The following USP9X variants were observed in gnomAD, a reference collection of about 807,000 sequenced individuals.
USP9X encodes the protein ubiquitin specific peptidase 9 X-linked.
USP9X carries 7 observed loss-of-function variants against 190.3 expected under a neutral mutation model. The ratio of observed to expected loss-of-function variants is 0.04; its 90% CI spans 0.02 to 0.07. The LOEUF (loss-of-function observed/expected upper bound fraction) is 0.07. Among genes scored for constraint, USP9X ranks in the 10% least tolerant of loss-of-function variants. The pLI, the probability that USP9X is intolerant of heterozygous loss-of-function variation, is 1.00. For synonymous variants in USP9X, 645 were observed against 659.5 expected (o/e 0.98, Z 0.34); for missense variants, 1,010 against 1,916.9 (o/e 0.53, Z 8.83).
intron 1 of USP9X, among the ~76,000 whole-genome samples, chrX:41,094,232 A>G (rs1423437178): frequency 9.4e-6 from 1 of 106,581 alleles, no homozygotes; most frequent in Non-Finnish European, 1.9e-5. Context: ...GCTACAGTAC[A>G]ATGGCGTGAT....
intron 12 of USP9X, among the ~76,000 whole-genome samples, chrX:41,149,953 G>T (rs894733122): frequency 2.7e-5 from 3 of 110,825 alleles, no homozygotes; most frequent in Non-Finnish European, 5.7e-5. Flanking sequence ...TGATCCACCC[G>T]CCTCGGCCTC....
Position 41,125,718 on chromosome X carries a change from T to TCG in USP9X, c.96+1998_96+1999dup, listed in dbSNP as rs1555918349. ...CTCTCTCTCTCTCTCTCTCTCTCTC[T>TCG]CGCGCACGCGCGCGCGCTCTCTCTC... On this transcript the variant is annotated intron_variant, in intron 2 of 44. Transcript: ENST00000378308. 2.8e-4 allele frequency among the ~76,000 whole-genome samples: 28 copies of TCG among 99,221 alleles called. 1 individual carries two copies. Among genetic ancestry groups the TCG allele is most frequent in the African/African-American group, 1.1e-3 (27 of 24,559 alleles). 86.2% of individuals were successfully genotyped at this position (99,221 alleles called of 115,157 possible).
At chrX:41,170,344 T>TA (rs2062714812) in intron 19 of USP9X, 109 bp downstream of exon 19, 20 of 1,066,928 alleles carry the variant, frequency 1.9e-5, no homozygotes, top group Middle Eastern at 5.4e-4. Context: ...TGTTAGGTGT[T>TA]AGAGTTATAG....
intron 1 of USP9X, among the ~76,000 whole-genome samples, chrX:41,089,691 C>T (rs6610510): frequency 9.0e-6 from 1 of 111,071 alleles, no homozygotes; most frequent in East Asian, 2.8e-4. Flanking sequence ...TTTTATTTGT[C>T]TTAGTCAAAA....
chrX:41,140,301 T>A (rs2062410980), intron 6 of USP9X, among the ~76,000 whole-genome samples: 1 of 112,228 alleles, frequency 8.9e-6, no homozygotes, highest in African/African-American at 3.2e-5. Context: ...TCTTGAAGTC[T>A]TTCTGCCTCC....
At position 41,207,079 on chromosome X, in the gene USP9X, C is replaced by CTTTT. The variant is rs34779889; in HGVS notation, c.5015+1609_5015+1612dup. Among the ~76,000 whole-genome samples the CTTTT allele has an allele frequency of 1.1e-3, 34 of 30,501 alleles. 4 individuals carry two copies. Among genetic ancestry groups the CTTTT allele is most frequent in the African/African-American group, 4.8e-3 (30 of 6,250 alleles). 26.5% of individuals were successfully genotyped at this position (30,501 alleles called of 115,157 possible). On this transcript the variant is annotated intron_variant, in intron 32 of 44. Coordinates refer to ENST00000378308, the MANE Select transcript of USP9X (RefSeq NM_001039591.3). The stretch of plus-strand genomic sequence containing the variant: ...TAGGCATGAGCTACTGCTCCCTGGC[C>CTTTT]TTTTTTTTTTTTTTTTTTTTTTTTT...
In USP9X at chrX:41,141,549, G is replaced by A. The variant is rs748715592; in HGVS notation, c.1161+118G>A. On this transcript the variant is annotated intron_variant, in intron 9 of 44. Transcript: ENST00000378308. ...TTTTAAAGTAAACTGAAATTGGGAGGTGTTTTGATTGATTTATAACTCTGT... is the reference window on the plus strand; with the variant it reads ...TTTTAAAGTAAACTGAAATTGGGAGATGTTTTGATTGATTTATAACTCTGT... The A allele has an allele frequency of 3.3e-5, 25 of 756,619 alleles. No homozygotes were observed. The South Asian group carries it at 8.1e-4, about 24-fold the overall frequency. 62.4% of individuals were successfully genotyped at this position (756,619 alleles called of 1,213,427 possible). A position where few individuals can be genotyped will look rare whatever the true frequency, so the allele number is the denominator to read the frequency against.
At chrX:41,088,279 A>G (rs182393094) in intron 1 of USP9X, among the ~76,000 whole-genome samples, 5 of 112,115 alleles carry the variant, frequency 4.5e-5, no homozygotes, top group Admixed American at 3.8e-4. Flanking sequence ...CTCAAGTAGG[A>G]TTTACTTTAG....
At chrX:41,130,485 GTTTTTTGTTTTTTGT>G (rs200679970) in intron 3 of USP9X, among the ~76,000 whole-genome samples, 18,597 of 94,530 alleles carry the variant, frequency 0.2, 1,406 homozygotes, top group Admixed American at 0.26. Context: ...TTTTTTTTTT[GTTTTTTGTTTTTTGT>G]TTTTTTTGAG....
intron 1 of USP9X, among the ~76,000 whole-genome samples, chrX:41,119,525 T>G: frequency 9.0e-6 from 1 of 111,295 alleles, no homozygotes; most frequent in South Asian, 3.7e-4. Flanking sequence ...TGATGATGAT[T>G]GGAGCATCAT....
At chrX:41,199,795 C>T (rs1038128789) in intron 30 of USP9X, among the ~76,000 whole-genome samples, 3 of 111,418 alleles carry the variant, frequency 2.7e-5, no homozygotes, top group East Asian at 2.8e-4. Context: ...AGTTCCGTAA[C>T]GTTATGAGTT....
rs182316979 is a variant in USP9X at position 41,208,930 on chromosome X, G to A, written c.5016-1579G>A. 8.2e-3 allele frequency among the ~76,000 whole-genome samples: 905 copies of A among 110,439 alleles called. 8 individuals are homozygous for A. Among genetic ancestry groups the A allele is most frequent in the Non-Finnish European group, 0.013 (710 of 52,823 alleles). On this transcript the variant is annotated intron_variant, in intron 32 of 44. Transcript: ENST00000378308. ...TCATTGTGTTAGCCAGGGTGGTCTC[G>A]AACTCCTGACCTCGTGATCCACCCG...
chrX:41,208,456 G>C (rs182851814), intron 32 of USP9X, among the ~76,000 whole-genome samples: 29 of 111,826 alleles, frequency 2.6e-4, no homozygotes, highest in Admixed American at 4.7e-4. Context: ...TAGCACTTTG[G>C]ATTATCCACA....
chrX:41,208,977 G>C (rs1379521748), intron 32 of USP9X, among the ~76,000 whole-genome samples: 3 of 111,329 alleles, frequency 2.7e-5, no homozygotes, highest in Non-Finnish European at 5.7e-5. Flanking sequence ...CAAAATGCTA[G>C]GATTACAGGC....
chrX:41,197,332 CCCCCCCCCACCCCA>C lies in USP9X; in HGVS notation c.4234-25_4234-12del. Reference sequence around the variant, plus strand: ...TCATAAGCTAGACATTTGATTTCTTCCCCCCCCCACCCCACCCCCCGCCTTTGGCAGGATGATGT... The same window carrying C: ...TCATAAGCTAGACATTTGATTTCTTCCCCCCCGCCTTTGGCAGGATGATGT... On this transcript the variant is annotated intron_variant, in intron 28 of 44. Coordinates refer to ENST00000378308, the MANE Select transcript of USP9X (RefSeq NM_001039591.3). The C allele has an allele frequency of 9.5e-6, 2 of 211,270 alleles. No homozygotes were observed. The highest frequency in any genetic ancestry group is 1.6e-5 in the Non-Finnish European group (2 of 128,484). The allele number at this position is 211,270 out of a possible 1,213,427, so 17.4% of individuals were successfully genotyped here.
intron 31 of USP9X, among the ~76,000 whole-genome samples, chrX:41,204,231 ATCT>A (rs1231663735): frequency 9.0e-6 from 1 of 111,335 alleles, no homozygotes; most frequent in Non-Finnish European, 1.9e-5. Context: ...CCACTTGTTG[ATCT>A]TCTTTGTCTA....
chrX:41,107,326 TTTA>T (rs1284252313), intron 1 of USP9X, among the ~76,000 whole-genome samples: 2 of 112,328 alleles, frequency 1.8e-5, no homozygotes, highest in African/African-American at 6.5e-5. Flanking sequence ...GCACGATAGT[TTTA>T]TTTCTTTCAG....
At chrX:41,197,023 A>G (rs1271742508) in intron 28 of USP9X, among the ~76,000 whole-genome samples, 1 of 112,236 alleles carries the variant, frequency 8.9e-6, no homozygotes, top group Non-Finnish European at 1.9e-5. Flanking sequence ...TTTTAAAAAA[A>G]GTATTCTTGA....
chrX:41,118,556 C>T (rs2062167619), intron 1 of USP9X, among the ~76,000 whole-genome samples: 1 of 111,757 alleles, frequency 8.9e-6, no homozygotes, highest in South Asian at 3.7e-4. Context: ...TTAAAAGAGA[C>T]ACAGTATTGG....
Sources: allele counts gnomAD v4.1 joint callset (sites outside exome capture counted in the v4.1 genomes callset), GRCh38; gene constraint gnomAD v4.1.1; transcripts MANE v1.5; gene names NCBI Gene and HGNC (gene_info 2026-07-23, HGNC 2026-07-21).